Variants in VSIR observed in about 807,000 individuals in gnomAD.
VSIR encodes the protein V-type immunoglobulin domain-containing suppressor of T-cell activation.
A neutral mutation model predicts 31.0 loss-of-function variants in VSIR; 10 were observed. That is an observed-to-expected ratio of 0.32 (90% CI 0.20 to 0.55). VSIR has a LOEUF of 0.55. VSIR is among the 20% of genes least tolerant of loss of function. The pLI is 0.93. For missense variants in VSIR, 356 were observed against 416.2 expected (o/e 0.86, Z 1.26); for synonymous variants, 179 against 180.1 (o/e 0.99, Z 0.05).
intron 3 of VSIR, among the ~76,000 whole-genome samples, chr10:71,759,974 CACACACATAT>C: frequency 1.0e-5 from 1 of 95,520 alleles, no homozygotes; most frequent in African/African-American, 3.3e-5. Flanking sequence ...TATATATACA[CACACACATAT>C]ATATACACAC....
chr10:71,752,333 T>A (rs1342288140), intron 5 of VSIR, among the ~76,000 whole-genome samples: 2 of 152,332 alleles, frequency 1.3e-5, no homozygotes, highest in South Asian at 4.1e-4. Context: ...AGATTCTAGA[T>A]GAGTTGCAAG....
intron 5 of VSIR, among the ~76,000 whole-genome samples, chr10:71,752,386 C>T (rs939400341): frequency 2.0e-5 from 3 of 152,214 alleles, no homozygotes; most frequent in Non-Finnish European, 4.4e-5. Context: ...CCCTTTCAAA[C>T]ACCTAGAGGA....
intron 5 of VSIR, 105 bp downstream of exon 5, chr10:71,752,870 A>C: frequency 7.4e-7 from 1 of 1,353,088 alleles, no homozygotes; most frequent in Non-Finnish European, 1.0e-6. Context: ...GGCTCTTCTG[A>C]CCAGCTGCTC....
In VSIR at chr10:71,751,732, C is replaced by T. The variant is rs745646326; in HGVS notation, c.834G>A (p.Leu278=). Residue 278 remains leucine (L), a synonymous_variant, in exon 6 of 7, where the codon CTG becomes CTA. Transcript: ENST00000394957. This position sits in a 1 kb window ranked among gnomAD's most constrained non-coding sequence, Gnocchi z 4.9. The part of the protein sequence containing the change: ...QRQPSESGRH[L]LSEPSTPLSP... ...ACAGGGGGGTGCTGGGCTCCGAAAG[C>T]AGATGCCGCCCAGACTCAGAAGGCT... 5.0e-6 allele frequency: 8 copies of T among 1,588,490 alleles called. No homozygotes were observed. The highest frequency in any genetic ancestry group is 1.1e-5 in the South Asian group (1 of 88,074).
intron 4 of VSIR, 141 bp downstream of exon 4, chr10:71,755,218 C>A: frequency 2.4e-6 from 2 of 834,418 alleles, no homozygotes; most frequent in South Asian, 3.1e-5. Flanking sequence ...CAGCTCCTGG[C>A]GGGAAGTGCA....
intron 2 of VSIR, 115 bp downstream of exon 2, chr10:71,761,483 G>A: frequency 1.6e-6 from 2 of 1,229,164 alleles, no homozygotes; most frequent in Non-Finnish European, 2.2e-6. Context: ...TCCCTGGAGT[G>A]CCAGTGTTAC....
intron 1 of VSIR, among the ~76,000 whole-genome samples, chr10:71,769,978 C>A (rs907151355): frequency 6.6e-6 from 1 of 152,176 alleles, no homozygotes; most frequent in South Asian, 2.1e-4. Flanking sequence ...AAGAAGAGAA[C>A]CTGTAGGCAC....
At chr10:71,767,838 A>G (rs958039450) in intron 1 of VSIR, among the ~76,000 whole-genome samples, 4 of 152,200 alleles carry the variant, frequency 2.6e-5, no homozygotes, top group Non-Finnish European at 5.9e-5. Flanking sequence ...GCCAGGCTCT[A>G]TTGAAGGAAG....
Position 71,761,614 on chromosome 10 carries a change from C to T in VSIR, c.495G>A (p.Glu165=), listed in dbSNP as rs3747867. ...TGCCCTCACCTGTCTGCACCTGCAGCTCCATGGCACCATGGACCCTGTGCT... is the reference window on the plus strand; with the variant it reads ...TGCCCTCACCTGTCTGCACCTGCAGTTCCATGGCACCATGGACCCTGTGCT... The part of the protein sequence containing the change: ...HSEHRVHGAM[E]LQVQTGKDAP... The change falls in exon 2 of 7, where the codon GAG becomes GAA. Residue 165 remains glutamate (E), a synonymous_variant. Transcript: ENST00000394957. The T allele has an allele frequency of 0.25, 396,593 of 1,592,606 alleles. 50,836 individuals carry two copies. Among genetic ancestry groups the T allele is most frequent in the Non-Finnish European group, 0.27 (312,248 of 1,167,746 alleles).
At chr10:71,754,426 A>G (rs1840082284) in intron 4 of VSIR, among the ~76,000 whole-genome samples, 4 of 152,138 alleles carry the variant, frequency 2.6e-5, no homozygotes, top group South Asian at 4.1e-4. Flanking sequence ...CACCAGAGCA[A>G]TCCTTTCTCA....
Position 71,751,303 on chromosome 10 carries a change from G to A in VSIR, c.899-13C>T. ...TCAGGGACAGGGTCTGCAAGAAAAGGAGAAGCAAAGTGAACGGGGCCCCTC... is the reference window on the plus strand; with the variant it reads ...TCAGGGACAGGGTCTGCAAGAAAAGAAGAAGCAAAGTGAACGGGGCCCCTC... On this transcript the variant is annotated splice_polypyrimidine_tract_variant and intron_variant, in intron 6 of 6. Transcript: ENST00000394957. The surrounding 1 kb of genome is among the most constrained non-coding windows in gnomAD (Gnocchi z 4.9). 2 of 1,609,300 alleles carry A rather than the reference G, an allele frequency of 1.2e-6. No homozygotes were observed. The highest frequency in any genetic ancestry group is 1.7e-6 in the Non-Finnish European group (2 of 1,177,440).
intron 3 of VSIR, among the ~76,000 whole-genome samples, chr10:71,760,175 ATGTG>A (rs772295364): frequency 6.1e-5 from 1 of 16,424 alleles, no homozygotes; most frequent in Non-Finnish European, 1.2e-4. Flanking sequence ...ATACATATAT[ATGTG>A]TGTATATATA....
chr10:71,766,559 A>C (rs1356852069), intron 1 of VSIR, among the ~76,000 whole-genome samples: 1 of 152,178 alleles, frequency 6.6e-6, no homozygotes, highest in Admixed American at 6.5e-5. Context: ...CCGTTTCTTC[A>C]TCTTAACCTG....
rs1055810300 is a variant in VSIR at position 71,755,450 on chromosome 10, G to T, written c.585C>A (p.Ala195=). The part of the protein sequence containing the change: ...SQDSENITAA[A]LATGACIVGI... ...CTACGATGCAGGCACCCGTAGCCAG[G>T]GCTGCAGCCGTGATGTCTGAAAGGG... is the stretch of plus-strand genomic sequence containing the variant. The change falls in exon 4 of 7, where the codon GCC becomes GCA. Residue 195 remains alanine, a synonymous_variant. Transcript: ENST00000394957. The T allele has an allele frequency of 7.4e-6, 12 of 1,611,968 alleles. No individual in the cohort carries two copies. The African/African-American group carries it at 1.6e-4, about 22-fold the overall frequency.
At chr10:71,755,163 T>C in intron 4 of VSIR, 196 bp downstream of exon 4, 3 of 668,988 alleles carry the variant, frequency 4.5e-6, no homozygotes, top group Non-Finnish European at 8.2e-6. Flanking sequence ...GGTGGGCACT[T>C]GGCCCCCGGA....
intron 1 of VSIR, among the ~76,000 whole-genome samples, chr10:71,765,772 C>G (rs753067729): frequency 1.3e-5 from 2 of 152,090 alleles, no homozygotes; most frequent in African/African-American, 2.4e-5. Flanking sequence ...AGGAGTTGTT[C>G]CCCTTTTAGA....
In VSIR at chr10:71,756,678, G is replaced by A. The variant is rs138178970; in HGVS notation, c.569-1212C>T. The stretch of plus-strand genomic sequence containing the variant: ...TGCAGGAGTTTAGCTGGGAACAGAC[G>A]TGCCCTCAGAACCACAACCAACATA... On this transcript the variant is annotated intron_variant, in intron 3 of 6. Transcript: ENST00000394957. Among the ~76,000 whole-genome samples the A allele has an allele frequency of 3.8e-3, 585 of 152,270 alleles. 5 individuals carry two copies. Among genetic ancestry groups the A allele is most frequent in the African/African-American group, 0.013 (544 of 41,542 alleles).
At chr10:71,766,693 C>A (rs555579751) in intron 1 of VSIR, among the ~76,000 whole-genome samples, 8 of 152,300 alleles carry the variant, frequency 5.3e-5, no homozygotes, top group African/African-American at 1.4e-4. Context: ...ACACCCCCAA[C>A]ATGGGTGGTA....
At chr10:71,760,644 G>A (rs896577690) in intron 3 of VSIR, 3 of 537,742 alleles carry the variant, frequency 5.6e-6, no homozygotes, top group African/African-American at 3.8e-5. Context: ...CCACTCCAGA[G>A]AGTCAAGAGG....
Sources: allele counts gnomAD v4.1 joint callset (sites outside exome capture counted in the v4.1 genomes callset), GRCh38; gene constraint gnomAD v4.1.1; non-coding constraint Gnocchi (gnomAD v3.1); transcripts MANE v1.5; gene names NCBI Gene and HGNC (gene_info 2026-07-23, HGNC 2026-07-21).